The following GLI2 variants were observed in gnomAD, a reference collection of about 807,000 sequenced individuals.
GLI2 encodes the protein GLI family zinc finger 2, also known as transcription activator GLI2.
Under a neutral mutation model 78.9 loss-of-function variants are expected in GLI2, and 22 were observed. The observed-to-expected ratio is 0.28, with a 90% confidence interval of 0.20 to 0.40. The LOEUF (loss-of-function observed/expected upper bound fraction) is 0.40, where lower values mean the gene tolerates loss of function less well. GLI2 is among the 10% of genes least tolerant of loss of function. The probability of loss-of-function intolerance (pLI) is 1.00; values close to 1 mark genes in which losing one functional copy is unlikely to be tolerated. For missense variants in GLI2, 2,097 were observed against 2,213.2 expected, an observed-to-expected ratio of 0.95 and a Z score of 1.05; for synonymous variants, 974 against 963.7, an observed-to-expected ratio of 1.01 and a Z score of -0.20.
chr2:120,894,052 A>T (rs1677816618), intron 2 of GLI2, among the ~76,000 whole-genome samples: 1 of 152,204 alleles, frequency 6.6e-6, no homozygotes, highest in Non-Finnish European at 1.5e-5. Context: ...TCAATGCCGA[A>T]GGCTGAGGCC....
At chr2:120,912,147 C>T (rs188649559) in intron 2 of GLI2, among the ~76,000 whole-genome samples, 174 of 152,308 alleles carry the variant, frequency 1.1e-3, no homozygotes, top group Non-Finnish European at 1.9e-3. Context: ...CTGGTTTCTC[C>T]GGCCCCGAAA....
At chr2:120,832,410 G>A (rs1446171245) in intron 2 of GLI2, among the ~76,000 whole-genome samples, 3 of 152,192 alleles carry the variant, frequency 2.0e-5, no homozygotes, top group Non-Finnish European at 4.4e-5. Context: ...GCTGACCCGG[G>A]CAGCAGGGCC....
chr2:120,967,733 G>A (rs1258048167), intron 5 of GLI2, among the ~76,000 whole-genome samples: 2 of 152,256 alleles, frequency 1.3e-5, no homozygotes, highest in Non-Finnish European at 2.9e-5. Context: ...CTGCGTACAT[G>A]TGTGCCTGCA....
intron 3 of GLI2, among the ~76,000 whole-genome samples, chr2:120,932,754 A>T (rs1182652529): frequency 6.6e-6 from 1 of 152,212 alleles, no homozygotes; most frequent in African/African-American, 2.4e-5. Context: ...AATCGTGATC[A>T]TTGTTGTTAT....
intron 3 of GLI2, among the ~76,000 whole-genome samples, chr2:120,946,366 G>GCCT (rs1680711597): frequency 6.6e-6 from 1 of 152,214 alleles, no homozygotes; most frequent in Non-Finnish European, 1.5e-5. Flanking sequence ...GAGCTGAGCG[G>GCCT]CCTGCAGAAG....
intron 1 of GLI2, among the ~76,000 whole-genome samples, chr2:120,757,798 A>G (rs577672724): frequency 6.6e-6 from 1 of 152,280 alleles, no homozygotes; most frequent in Non-Finnish European, 1.5e-5. Flanking sequence ...TGGCCTGGAA[A>G]CACTCTCTGG....
At chr2:120,809,262 A>G (rs1475523904) in intron 2 of GLI2, among the ~76,000 whole-genome samples, 1 of 152,248 alleles carries the variant, frequency 6.6e-6, no homozygotes, top group East Asian at 1.9e-4. Flanking sequence ...GAAGCCGGGC[A>G]TAAAAGCACA....
At chr2:120,827,958 C>T (rs769575643) in intron 2 of GLI2, among the ~76,000 whole-genome samples, 4 of 152,088 alleles carry the variant, frequency 2.6e-5, no homozygotes, top group African/African-American at 9.7e-5. Flanking sequence ...GATGGATGGT[C>T]GTGATGGTTG....
chr2:120,841,848 G>GGGGTGTGT (rs1553455507), intron 2 of GLI2, among the ~76,000 whole-genome samples: 31 of 132,638 alleles, frequency 2.3e-4, no homozygotes, highest in African/African-American at 8.5e-4. Flanking sequence ...CAGTCTGGAG[G>GGGGTGTGT]GTGTGTGTGT....
At chr2:120,860,944 T>C (rs1375063149) in intron 2 of GLI2, among the ~76,000 whole-genome samples, 2 of 152,154 alleles carry the variant, frequency 1.3e-5, no homozygotes, top group Non-Finnish European at 2.9e-5. Flanking sequence ...TAGAGATCCG[T>C]TATGGCCAGC....
chr2:120,984,802 A>C, intron 12 of GLI2, 59 bp downstream of exon 12: 1 of 1,568,886 alleles, frequency 6.4e-7, no homozygotes. Flanking sequence ...GCCCAGGGCC[A>C]CCCCTTGCCA....
chr2:120,942,830 A>G (rs1308840872), intron 3 of GLI2, among the ~76,000 whole-genome samples: 8 of 146,610 alleles, frequency 5.5e-5, no homozygotes, highest in African/African-American at 2.7e-5. Context: ...TCACGCCCTC[A>G]CTCATTCATT....
intron 2 of GLI2, among the ~76,000 whole-genome samples, chr2:120,916,769 G>A (rs749368427): frequency 9.9e-5 from 15 of 152,206 alleles, no homozygotes; most frequent in African/African-American, 3.1e-4. Flanking sequence ...GAGCAGCTCC[G>A]CCGTGGATTC....
intron 2 of GLI2, among the ~76,000 whole-genome samples, chr2:120,904,733 G>A (rs1311499809): frequency 6.6e-6 from 1 of 152,174 alleles, no homozygotes; most frequent in East Asian, 1.9e-4. Context: ...TTCTGTACTG[G>A]GCTGGGTTTT....
At chr2:120,973,292 G>A (rs1026327580) in intron 8 of GLI2, among the ~76,000 whole-genome samples, 2 of 152,198 alleles carry the variant, frequency 1.3e-5, no homozygotes, top group Non-Finnish European at 2.9e-5. Flanking sequence ...CACATATCCA[G>A]GGAAGATAAA....
At chr2:120,866,455 G>A (rs1275330574) in intron 2 of GLI2, 1 of 152,250 alleles carries the variant, frequency 6.6e-6, no homozygotes, top group Non-Finnish European at 1.5e-5. Context: ...TCTCCCTTTT[G>A]GGGACAGAAG....
At chr2:120,909,544 G>A (rs1456592355) in intron 2 of GLI2, among the ~76,000 whole-genome samples, 1 of 152,204 alleles carries the variant, frequency 6.6e-6, no homozygotes, top group African/African-American at 2.4e-5. Flanking sequence ...TGTGACTGTG[G>A]TTAGATCGTG....
chr2:120,928,925 T>G (rs542946126), intron 3 of GLI2, among the ~76,000 whole-genome samples: 2 of 152,314 alleles, frequency 1.3e-5, no homozygotes, highest in South Asian at 4.1e-4. Context: ...TTATCCAGAT[T>G]TGCTCAGTTG....
chr2:120,964,631 A>G (rs1384147901), intron 5 of GLI2, among the ~76,000 whole-genome samples: 1 of 152,204 alleles, frequency 6.6e-6, no homozygotes, highest in African/African-American at 2.4e-5. Context: ...CGCAAGTAGC[A>G]GGCACGTGCT....
Sources: gnomAD v4.1 joint callset for allele counts (sites outside exome capture counted in the v4.1 genomes callset) on GRCh38, gnomAD v4.1.1 for gene constraint, MANE v1.5 for transcripts, NCBI Gene and HGNC (gene_info 2026-07-23, HGNC 2026-07-21) for gene names.